Variants in CDH13 observed in about 807,000 individuals in gnomAD.
The protein encoded by CDH13 is cadherin 13.
CDH13 carries 24 observed loss-of-function variants against 63.8 expected under a neutral mutation model. The observed-to-expected ratio is 0.38, with a 90% CI of 0.27 to 0.53. CDH13 has a LOEUF of 0.53. Ranked by LOEUF, CDH13 falls within the 20% of genes least tolerant of loss-of-function variation. CDH13 has a pLI of 0.85. For synonymous variants in CDH13, 503 were observed against 355.3 expected (o/e 1.42, Z -4.67); for missense variants, 1,049 against 903.1 (o/e 1.16, Z -2.07).
rs1341808629 is a variant in CDH13, at chr16:83,263,763, C to G, written c.636+46266C>G. On this transcript the variant is annotated intron_variant, in intron 5 of 13. Transcript: ENST00000567109. Reference sequence around the variant, plus strand: ...GGAGAGTGGCAGAGACAGCAGGCTGCTGCCATGGCCTCAATCCCAGCCACT... The same window carrying G: ...GGAGAGTGGCAGAGACAGCAGGCTGGTGCCATGGCCTCAATCCCAGCCACT... Among the ~76,000 whole-genome samples the G allele has an allele frequency of 2.0e-5, 3 of 152,170 alleles. No homozygotes were observed. The East Asian group carries it at 5.8e-4, about 29-fold the overall frequency.
chr16:83,785,920 C>G (rs1330137516), intron 13 of CDH13, among the ~76,000 whole-genome samples: 3 of 152,126 alleles, frequency 2.0e-5, no homozygotes, highest in Non-Finnish European at 4.4e-5. Flanking sequence ...ACAGTGTCCT[C>G]CAATCTTGTC....
At chr16:82,999,724 C>G (rs141437213) in intron 2 of CDH13, among the ~76,000 whole-genome samples, 84 of 152,182 alleles carry the variant, frequency 5.5e-4, no homozygotes, top group African/African-American at 2.0e-3. Flanking sequence ...CTATATATTC[C>G]GAAGGGCAAG....
intron 11 of CDH13, among the ~76,000 whole-genome samples, chr16:83,752,328 C>T (rs539513308): frequency 6.6e-6 from 1 of 152,312 alleles, no homozygotes; most frequent in Admixed American, 6.5e-5. Flanking sequence ...ATGCAGTAAT[C>T]AGTTAAGTGA....
intron 2 of CDH13, among the ~76,000 whole-genome samples, chr16:83,011,719 C>G (rs914173173): frequency 6.6e-6 from 1 of 152,184 alleles, no homozygotes; most frequent in African/African-American, 2.4e-5. Flanking sequence ...TTCCCTTCTT[C>G]TTCTACTCCC....
chr16:83,408,831 G>C (rs2092085634), intron 6 of CDH13, among the ~76,000 whole-genome samples: 1 of 152,190 alleles, frequency 6.6e-6, no homozygotes, highest in Non-Finnish European at 1.5e-5. Context: ...CCCACTAAGT[G>C]TGAAAAGATG....
intron 1 of CDH13, among the ~76,000 whole-genome samples, chr16:82,749,739 CA>C (rs1567496712): frequency 1.3e-5 from 2 of 152,124 alleles, no homozygotes; most frequent in Non-Finnish European, 2.9e-5. Context: ...TATGCCTTGA[CA>C]GTCATTTTTT....
intron 2 of CDH13, among the ~76,000 whole-genome samples, chr16:82,870,079 A>G (rs1229945266): frequency 6.6e-6 from 1 of 152,170 alleles, no homozygotes; most frequent in Non-Finnish European, 1.5e-5. Context: ...CACCCGTTTA[A>G]TGAGGGATTA....
At chr16:82,907,430 T>A (rs1425717230) in intron 2 of CDH13, among the ~76,000 whole-genome samples, 2 of 152,152 alleles carry the variant, frequency 1.3e-5, no homozygotes, top group East Asian at 3.8e-4. Context: ...TATAGTGAAT[T>A]TTCCCAAGTC....
chr16:82,849,889 A>C (rs1243151956), intron 1 of CDH13, among the ~76,000 whole-genome samples: 2 of 152,238 alleles, frequency 1.3e-5, no homozygotes, highest in Non-Finnish European at 2.9e-5. Context: ...GATTTATTCA[A>C]TATTTTAAGC....
intron 6 of CDH13, among the ~76,000 whole-genome samples, chr16:83,358,385 G>A (rs1171786652): frequency 6.6e-6 from 1 of 152,168 alleles, no homozygotes; most frequent in Non-Finnish European, 1.5e-5. Context: ...ACGGCCTCAA[G>A]GGTAGAAAAT....
At chr16:83,780,593 T>C (rs1054507271) in intron 12 of CDH13, among the ~76,000 whole-genome samples, 4 of 152,242 alleles carry the variant, frequency 2.6e-5, no homozygotes, top group African/African-American at 9.6e-5. Flanking sequence ...ATCTAGGCTT[T>C]TACTATCCCC....
chr16:83,627,889 TAAAC>T, intron 8 of CDH13, among the ~76,000 whole-genome samples: 1 of 152,226 alleles, frequency 6.6e-6, no homozygotes, highest in Admixed American at 6.5e-5. Context: ...GACTGTGTGT[TAAAC>T]AAGGAGCAGA....
At chr16:83,411,710 TAC>T (rs2151457778) in intron 6 of CDH13, among the ~76,000 whole-genome samples, 1 of 152,286 alleles carries the variant, frequency 6.6e-6, no homozygotes, top group Non-Finnish European at 1.5e-5. Flanking sequence ...TAGTACACAT[TAC>T]AGTGTTTCAC....
At chr16:83,705,450 G>A (rs902122521) in intron 10 of CDH13, among the ~76,000 whole-genome samples, 5 of 152,124 alleles carry the variant, frequency 3.3e-5, no homozygotes, top group Admixed American at 6.5e-5. Context: ...GTGAAATCCT[G>A]TCTCTACTAA....
chr16:82,696,098 G>A (rs2030256603), intron 1 of CDH13, among the ~76,000 whole-genome samples: 1 of 152,158 alleles, frequency 6.6e-6, no homozygotes, highest in Non-Finnish European at 1.5e-5. Context: ...AAAGCCCCTA[G>A]ATTTGTGTTA....
At chr16:82,936,034 G>C (rs1315203773) in intron 2 of CDH13, among the ~76,000 whole-genome samples, 1 of 152,084 alleles carries the variant, frequency 6.6e-6, no homozygotes, top group South Asian at 2.1e-4. Context: ...GGGCAAGGCT[G>C]GTCACCCCAC....
At chr16:83,275,165 G>C (rs1474138503) in intron 5 of CDH13, among the ~76,000 whole-genome samples, 2 of 152,168 alleles carry the variant, frequency 1.3e-5, no homozygotes, top group Non-Finnish European at 2.9e-5. Flanking sequence ...TTAATGCCAA[G>C]TTTGCCCCAT....
Position 83,261,961 on chromosome 16 carries a change from C to T in CDH13, c.636+44464C>T, listed in dbSNP as rs568387925. Among the ~76,000 whole-genome samples the T allele has an allele frequency of 3.9e-5, 6 of 152,158 alleles. No individual in the cohort carries two copies. The East Asian group carries it at 7.8e-4, about 20-fold the overall frequency. ...TGATCAGATTTGTTCTGTTCCATTC[C>T]GGAGTCACTGCAAACTACCAGGTTT... On this transcript the variant is annotated intron_variant, in intron 5 of 13. Coordinates refer to ENST00000567109, the MANE Select transcript of CDH13 (RefSeq NM_001257.5).
chr16:82,827,007 C>T (rs905209190), intron 1 of CDH13, among the ~76,000 whole-genome samples: 9 of 152,146 alleles, frequency 5.9e-5, no homozygotes, highest in Admixed American at 5.9e-4. Context: ...ATTCATCCAG[C>T]CCCTGGCATG....
Sources: gnomAD v4.1 joint callset for allele counts (sites outside exome capture counted in the v4.1 genomes callset) on GRCh38, gnomAD v4.1.1 for gene constraint, MANE v1.5 for transcripts, NCBI Gene and HGNC (gene_info 2026-07-23, HGNC 2026-07-21) for gene names.